The following SIPA1L2 variants were observed in gnomAD, a reference collection of about 807,000 sequenced individuals.
SIPA1L2 encodes the protein signal induced proliferation associated 1 like 2.
In SIPA1L2, 56 loss-of-function variants were observed where a neutral mutation model predicts 163.9. That is an observed-to-expected ratio of 0.34 (90% confidence interval 0.28 to 0.43). The LOEUF (loss-of-function observed/expected upper bound fraction) is 0.43, where lower values mean the gene tolerates loss of function less well. Ranked by LOEUF, SIPA1L2 falls within the 20% of genes least tolerant of loss-of-function variation. The pLI, the probability that SIPA1L2 is intolerant of heterozygous loss-of-function variation, is 1.00. For missense variants in SIPA1L2, 1,974 were observed against 2,193.5 expected, an observed-to-expected ratio of 0.90 and a Z score of 2.00; for synonymous variants, 877 against 865.7, an observed-to-expected ratio of 1.01 and a Z score of -0.23.
At chr1:232,445,931 T>C (rs772225832) in intron 10 of SIPA1L2, 145 bp from the exon 11 acceptor site, 2 of 749,300 alleles carry the variant, frequency 2.7e-6, no homozygotes, top group Non-Finnish European at 4.5e-6. Context: ...GATCCACCCT[T>C]AGGAGCATCT....
At chr1:232,477,007 T>A (rs886880387) in intron 7 of SIPA1L2, among the ~76,000 whole-genome samples, 1 of 152,160 alleles carries the variant, frequency 6.6e-6, no homozygotes, top group African/African-American at 2.4e-5. Context: ...GGTATTAACA[T>A]AATTTGTGGG....
rs528912986 is a variant in SIPA1L2, at chr1:232,597,454, G to T, written c.-318-23232C>A. On this transcript the variant is annotated intron_variant, in intron 1 of 22. Coordinates refer to ENST00000674635, the MANE Select transcript of SIPA1L2 (RefSeq NM_020808.5). ...GCACTTTGGGAGGCCAAGGTGGGCGGATCACAAGGTCAGGAGATCGAGACC... is the reference window on the plus strand; with the variant it reads ...GCACTTTGGGAGGCCAAGGTGGGCGTATCACAAGGTCAGGAGATCGAGACC... Among the ~76,000 whole-genome samples, 155 of 151,010 alleles carry T rather than the reference G, an allele frequency of 1.0e-3. 1 individual carries two copies. The highest frequency in any genetic ancestry group is 1.7e-3 in the Non-Finnish European group (116 of 67,808).
chr1:232,450,386 A>G (rs745309567), intron 10 of SIPA1L2, among the ~76,000 whole-genome samples: 8 of 152,252 alleles, frequency 5.3e-5, no homozygotes, highest in Non-Finnish European at 1.2e-4. Context: ...ATTCATCCCC[A>G]TAGCCAAAGA....
At chr1:232,495,950 A>C (rs1666166641) in intron 3 of SIPA1L2, among the ~76,000 whole-genome samples, 1 of 152,238 alleles carries the variant, frequency 6.6e-6, no homozygotes, top group South Asian at 2.1e-4. Context: ...CAAAAGAGTA[A>C]AAAAGTTAAA....
At position 232,509,886 on chromosome 1, in the gene SIPA1L2, C is replaced by T. The variant is rs1309473083; in HGVS notation, c.1483+3971G>A. On this transcript the variant is annotated intron_variant, in intron 3 of 22. Coordinates refer to ENST00000674635, the MANE Select transcript of SIPA1L2 (RefSeq NM_020808.5). ...GAGAGAGAACAGAGCAGCCGGGGCTCGGCCTTCTTCTCGCTCCTGGTGGCC... is the reference window on the plus strand; with the variant it reads ...GAGAGAGAACAGAGCAGCCGGGGCTTGGCCTTCTTCTCGCTCCTGGTGGCC... Among the ~76,000 whole-genome samples, 6 of 152,286 alleles carry T rather than the reference C, an allele frequency of 3.9e-5. No homozygotes were observed. In the East Asian group the frequency reaches 7.7e-4, roughly 20 times the overall value.
At chr1:232,522,607 T>C (rs1319044183) in intron 2 of SIPA1L2, among the ~76,000 whole-genome samples, 1 of 152,000 alleles carries the variant, frequency 6.6e-6, no homozygotes, top group African/African-American at 2.4e-5. Flanking sequence ...AGACATGTCC[T>C]GGCATATGGA....
chr1:232,439,300 G>C lies in SIPA1L2; in HGVS notation c.3839C>G (p.Pro1280Arg). The change falls in exon 15 of 23, where the codon CCT becomes CGT. Residue 1280 changes from proline (P) to arginine (R), a missense_variant. By Grantham distance (103) the Pro-to-Arg change is moderately radical. Coordinates refer to ENST00000674635, the MANE Select transcript of SIPA1L2 (RefSeq NM_020808.5). Reference sequence around the variant, plus strand: ...GGACCTGCTGCCTGCCAGGTGCACAGGGCCGAGGATGGTGGCAGGCATGCA... The same window carrying C: ...GGACCTGCTGCCTGCCAGGTGCACACGGCCGAGGATGGTGGCAGGCATGCA... ...APCMPATILGPVHLAGSRSLI... is the reference protein window; with the variant it reads ...APCMPATILGRVHLAGSRSLI... The C allele has an allele frequency of 6.2e-7, 1 of 1,614,176 alleles. No homozygotes were observed. The highest frequency in any genetic ancestry group is 8.5e-7 in the Non-Finnish European group (1 of 1,180,036).
chr1:232,425,726 C>A lies in SIPA1L2; in HGVS notation c.4493G>T (p.Gly1498Val). Residue 1498 changes from glycine to valine, a missense_variant, in exon 18 of 23, where the codon GGG becomes GTG. Gly to Val is a moderately radical substitution (Grantham distance 109, BLOSUM62 -3). Transcript: ENST00000674635. ...ACTCCGGGAACTGCCAAAGGAGGAC[C>A]CCCTCCTGTTGCTGCAGATGCTCTC... ...SDESICSNRR[G>V]SSFGSSRSSV... The A allele has an allele frequency of 6.2e-7, 1 of 1,614,106 alleles. No homozygotes were observed.
chr1:232,497,153 G>A (rs773716162), intron 3 of SIPA1L2, among the ~76,000 whole-genome samples: 41 of 152,182 alleles, frequency 2.7e-4, no homozygotes, highest in Non-Finnish European at 4.0e-4. Flanking sequence ...ATGGCTGCCA[G>A]GGGCTGGAAG....
intron 1 of SIPA1L2, among the ~76,000 whole-genome samples, chr1:232,597,521 ACC>A (rs1205687714): frequency 7.0e-6 from 1 of 143,576 alleles, no homozygotes; most frequent in Non-Finnish European, 1.5e-5. Context: ...ACTAAAAAAT[ACC>A]AAAAAAAAAA....
At position 232,585,657 on chromosome 1, in the gene SIPA1L2, G is replaced by A. The variant is rs74146163; in HGVS notation, c.-318-11435C>T. Among the ~76,000 whole-genome samples, 395 of 152,266 alleles carry A rather than the reference G, an allele frequency of 2.6e-3. 1 individual carries two copies. The highest frequency in any genetic ancestry group is 9.1e-3 in the African/African-American group (377 of 41,552). On this transcript the variant is annotated intron_variant, in intron 1 of 22. Transcript: ENST00000674635. ...GTAGAACAATGAAACCATACAAAGA[G>A]AACAAAGGAGGAAGAAGGCCAATCC...
chr1:232,453,805 A>G (rs1663728947), intron 10 of SIPA1L2, among the ~76,000 whole-genome samples: 2 of 149,526 alleles, frequency 1.3e-5, no homozygotes, highest in African/African-American at 5.0e-5. Context: ...ACACTATGTC[A>G]TATTTTTCAG....
chr1:232,411,445 T>C (rs1201710864), intron 19 of SIPA1L2, among the ~76,000 whole-genome samples: 1 of 152,252 alleles, frequency 6.6e-6, no homozygotes, highest in Non-Finnish European at 1.5e-5. Context: ...CTTCTTCTCA[T>C]GTTAACTTAA....
intron 19 of SIPA1L2, among the ~76,000 whole-genome samples, chr1:232,414,119 C>T (rs564906802): frequency 6.6e-6 from 1 of 152,340 alleles, no homozygotes; most frequent in South Asian, 2.1e-4. Context: ...GACAGGCAGA[C>T]AGGGCTCTTC....
chr1:232,491,837 T>C (rs1463631742), intron 4 of SIPA1L2, among the ~76,000 whole-genome samples: 1 of 152,132 alleles, frequency 6.6e-6, no homozygotes, highest in African/African-American at 2.4e-5. Flanking sequence ...TAATGTTCCA[T>C]AACACTGGAC....
At chr1:232,549,253 T>G (rs1383377606) in intron 2 of SIPA1L2, among the ~76,000 whole-genome samples, 1 of 152,166 alleles carries the variant, frequency 6.6e-6, no homozygotes, top group Non-Finnish European at 1.5e-5. Flanking sequence ...ACCCTCCTTT[T>G]AGCTGACACA....
intron 1 of SIPA1L2, among the ~76,000 whole-genome samples, chr1:232,590,912 G>A (rs1660924801): frequency 6.6e-6 from 1 of 152,202 alleles, no homozygotes; most frequent in Admixed American, 6.5e-5. Context: ...CAAACAGGAA[G>A]GACTGTGCTT....
intron 1 of SIPA1L2, among the ~76,000 whole-genome samples, chr1:232,582,856 T>C (rs1203898277): frequency 1.3e-5 from 2 of 152,220 alleles, no homozygotes; most frequent in Non-Finnish European, 2.9e-5. Context: ...ATTATTGGGA[T>C]AGCCTCCATG....
intron 1 of SIPA1L2, among the ~76,000 whole-genome samples, chr1:232,629,113 A>T (rs527507769): frequency 1.4e-4 from 21 of 152,378 alleles, no homozygotes; most frequent in South Asian, 4.1e-4. Context: ...AAGCAGGTTA[A>T]TGATGACAAA....
Sources: gnomAD v4.1 joint callset for allele counts (sites outside exome capture counted in the v4.1 genomes callset) on GRCh38, gnomAD v4.1.1 for gene constraint, MANE v1.5 for transcripts, NCBI Gene and HGNC (gene_info 2026-07-23, HGNC 2026-07-21) for gene names.